Variants in PDGFD observed in about 807,000 individuals in gnomAD.
PDGFD encodes the protein platelet-derived growth factor D.
PDGFD carries 30 observed loss-of-function variants against 44.7 expected under a neutral mutation model. The ratio of observed to expected loss-of-function variants is 0.67; its 90% CI spans 0.50 to 0.91. PDGFD has a LOEUF of 0.91. Among genes scored for constraint, PDGFD ranks in the 40% least tolerant of loss-of-function variants. The probability of loss-of-function intolerance (pLI) is 0.00; values close to 1 mark genes in which losing one functional copy is unlikely to be tolerated. For synonymous variants in PDGFD, 173 were observed against 168.4 expected, an observed-to-expected ratio of 1.03 and a Z score of -0.21; for missense variants, 445 against 457.8, an observed-to-expected ratio of 0.97 and a Z score of 0.25.
At chr11:103,913,094 A>T (rs1179311877) in intron 6 of PDGFD, among the ~76,000 whole-genome samples, 2 of 152,178 alleles carry the variant, frequency 1.3e-5, no homozygotes, top group Non-Finnish European at 2.9e-5. Flanking sequence ...CAGATCAATG[A>T]GACAGAAAAT....
intron 1 of PDGFD, among the ~76,000 whole-genome samples, chr11:104,101,654 G>T (rs1413100032): frequency 1.3e-5 from 2 of 151,950 alleles, no homozygotes; most frequent in South Asian, 2.1e-4. Context: ...GCTGGAGGCA[G>T]CATGCTACCT....
chr11:103,997,860 TTCTGAGACAAGTC>T (rs1416182194), intron 2 of PDGFD, among the ~76,000 whole-genome samples: 2 of 152,082 alleles, frequency 1.3e-5, no homozygotes, highest in Admixed American at 1.3e-4. Context: ...TTAGGGAGGG[TTCTGAGACAAGTC>T]TCTGGTCTGT....
intron 1 of PDGFD, among the ~76,000 whole-genome samples, chr11:104,109,784 G>A (rs78182409): frequency 6.6e-6 from 1 of 151,752 alleles, no homozygotes; most frequent in Non-Finnish European, 1.5e-5. Context: ...AAAAAAAAAA[G>A]AATGTTGCAA....
intron 1 of PDGFD, 106 bp downstream of exon 1, chr11:104,163,698 G>A (rs373464520): frequency 3.0e-6 from 4 of 1,321,566 alleles, no homozygotes; most frequent in South Asian, 3.6e-5. Flanking sequence ...CATTCAGCCC[G>A]AGTTCACATT....
At chr11:104,100,434 T>A (rs1332353847) in intron 1 of PDGFD, among the ~76,000 whole-genome samples, 1 of 152,118 alleles carries the variant, frequency 6.6e-6, no homozygotes, top group Non-Finnish European at 1.5e-5. Flanking sequence ...AATCTCTGAA[T>A]AGAACAATAA....
At chr11:104,097,459 G>A (rs545830664) in intron 1 of PDGFD, among the ~76,000 whole-genome samples, 24 of 152,174 alleles carry the variant, frequency 1.6e-4, no homozygotes, top group African/African-American at 5.8e-4. Flanking sequence ...CTGAGACAAG[G>A]AAATAATAGC....
At chr11:104,083,930 G>A (rs890333458) in intron 1 of PDGFD, among the ~76,000 whole-genome samples, 2 of 152,136 alleles carry the variant, frequency 1.3e-5, no homozygotes, top group African/African-American at 2.4e-5. Flanking sequence ...AATACTGAAG[G>A]TGCTAAAAAG....
At chr11:104,147,119 T>C (rs143545768) in intron 1 of PDGFD, among the ~76,000 whole-genome samples, 59 of 152,230 alleles carry the variant, frequency 3.9e-4, no homozygotes, top group Non-Finnish European at 6.0e-4. Flanking sequence ...TTGACACATA[T>C]AAGGTTGTTG....
chr11:104,003,254 C>G (rs1423101426), intron 1 of PDGFD, among the ~76,000 whole-genome samples: 2 of 152,144 alleles, frequency 1.3e-5, no homozygotes, highest in Non-Finnish European at 2.9e-5. Context: ...GAGGCCTGCC[C>G]AGAACAGAGC....
chr11:104,113,124 G>A (rs930271273), intron 1 of PDGFD, among the ~76,000 whole-genome samples: 1 of 152,154 alleles, frequency 6.6e-6, no homozygotes, highest in Admixed American at 6.6e-5. Context: ...GAGGCCATTC[G>A]AAAAATGTAC....
intron 1 of PDGFD, among the ~76,000 whole-genome samples, chr11:104,116,046 A>C (rs187215555): frequency 6.6e-6 from 1 of 152,032 alleles, no homozygotes; most frequent in African/African-American, 2.4e-5. Flanking sequence ...ATTAAGTCCC[A>C]GCTACTTATC....
chr11:104,036,654 A>G, intron 1 of PDGFD: 1 of 620,856 alleles, frequency 1.6e-6, no homozygotes, highest in Non-Finnish European at 2.8e-6. Context: ...AGGCTGGGAG[A>G]CAGCCCCCAG....
At chr11:103,997,168 A>G (rs1290834584) in intron 2 of PDGFD, among the ~76,000 whole-genome samples, 1 of 152,188 alleles carries the variant, frequency 6.6e-6, no homozygotes, top group African/African-American at 2.4e-5. Flanking sequence ...AGTTTTGGTC[A>G]TCAGTATCTC....
chr11:103,971,832 G>T (rs780594897), intron 3 of PDGFD, among the ~76,000 whole-genome samples: 8 of 152,072 alleles, frequency 5.3e-5, no homozygotes, highest in Non-Finnish European at 8.8e-5. Flanking sequence ...ACATCCTCAG[G>T]TACTTTGTTA....
At chr11:104,008,734 AT>A (rs1859739724) in intron 1 of PDGFD, among the ~76,000 whole-genome samples, 1 of 152,140 alleles carries the variant, frequency 6.6e-6, no homozygotes, top group Non-Finnish European at 1.5e-5. Context: ...AATAAATCAT[AT>A]TGGAGAAAAT....
At chr11:104,068,882 C>T (rs1351190350) in intron 1 of PDGFD, among the ~76,000 whole-genome samples, 1 of 152,026 alleles carries the variant, frequency 6.6e-6, no homozygotes, top group African/African-American at 2.4e-5. Context: ...GTGTAAGTTG[C>T]AGACATGATA....
rs1460020402 is a variant in PDGFD, at chr11:103,955,039, C to CT, written c.511-7316dup. Reference sequence around the variant, plus strand: ...ATTAGCCGGGCGTAGTGGCGGGCGCCTGTAGTCCCAGCTACTTGGGAGGCT... The same window carrying CT: ...ATTAGCCGGGCGTAGTGGCGGGCGCCTTGTAGTCCCAGCTACTTGGGAGGCT... On this transcript the variant is annotated intron_variant, in intron 3 of 6. Transcript: ENST00000393158. Among the ~76,000 whole-genome samples, 81 of 149,576 alleles carry CT rather than the reference C, an allele frequency of 5.4e-4. No individual in the cohort carries two copies. The East Asian group carries it at 0.015, about 27-fold the overall frequency.
At chr11:104,068,173 C>T (rs1591147671) in intron 1 of PDGFD, among the ~76,000 whole-genome samples, 1 of 152,108 alleles carries the variant, frequency 6.6e-6, no homozygotes, top group African/African-American at 2.4e-5. Context: ...TCTTGTTAAA[C>T]CATACCCACA....
intron 1 of PDGFD, among the ~76,000 whole-genome samples, chr11:104,096,284 C>A (rs1861286627): frequency 6.6e-6 from 1 of 151,648 alleles, no homozygotes; most frequent in Non-Finnish European, 1.5e-5. Flanking sequence ...GTATAGCTAT[C>A]ACAACATGGC....
Sources: allele counts gnomAD v4.1 joint callset (sites outside exome capture counted in the v4.1 genomes callset), GRCh38; gene constraint gnomAD v4.1.1; transcripts MANE v1.5; gene names NCBI Gene and HGNC (gene_info 2026-07-23, HGNC 2026-07-21).